The following EPHA6 variants were observed in gnomAD, a reference collection of about 807,000 sequenced individuals.
EPHA6 encodes the protein EPH receptor A6.
A neutral mutation model predicts 112.0 loss-of-function variants in EPHA6; 50 were observed. The observed-to-expected ratio is 0.45, with a 90% CI of 0.36 to 0.56. The LOEUF is 0.56. Ranked by LOEUF, EPHA6 falls within the 20% of genes least tolerant of loss-of-function variation. The probability of loss-of-function intolerance (pLI) is 0.00; values close to 1 mark genes in which losing one functional copy is unlikely to be tolerated. For missense variants in EPHA6, 1,280 were observed against 1,417.4 expected (o/e 0.90, Z 1.56); for synonymous variants, 529 against 490.7 (o/e 1.08, Z -1.03).
intron 1 of EPHA6, among the ~76,000 whole-genome samples, chr3:96,838,678 A>G (rs935334870): frequency 5.3e-5 from 8 of 152,102 alleles, no homozygotes; most frequent in Non-Finnish European, 1.0e-4. Context: ...ACTTCTTAGT[A>G]TTTCAATATT....
At chr3:97,295,618 T>A (rs1314923538) in intron 5 of EPHA6, among the ~76,000 whole-genome samples, 2 of 152,162 alleles carry the variant, frequency 1.3e-5, no homozygotes, top group African/African-American at 4.8e-5. Context: ...TTTCCTTTTT[T>A]TTAATGTTTC....
chr3:97,046,382 A>T (rs2108069999), intron 3 of EPHA6, among the ~76,000 whole-genome samples: 1 of 152,290 alleles, frequency 6.6e-6, no homozygotes, highest in African/African-American at 2.4e-5. Context: ...ACCCATGGTA[A>T]AAACTGTTGG....
At chr3:97,302,424 C>A (rs2081131504) in intron 5 of EPHA6, among the ~76,000 whole-genome samples, 1 of 150,468 alleles carries the variant, frequency 6.6e-6, no homozygotes, top group Non-Finnish European at 1.5e-5. Context: ...TTCCTAAAGC[C>A]TGATGTCATT....
At chr3:97,669,754 A>T (rs1407996124) in intron 14 of EPHA6, among the ~76,000 whole-genome samples, 1 of 152,236 alleles carries the variant, frequency 6.6e-6, no homozygotes, top group African/African-American at 2.4e-5. Context: ...CCTATTAAAC[A>T]TAAATTGTTC....
chr3:97,451,506 T>C (rs1394228811), intron 7 of EPHA6, among the ~76,000 whole-genome samples: 1 of 151,086 alleles, frequency 6.6e-6, no homozygotes, highest in Non-Finnish European at 1.5e-5. Context: ...CTGAAAATAA[T>C]ATATTTGTGT....
chr3:97,076,172 C>CA (rs1030319032), intron 3 of EPHA6, among the ~76,000 whole-genome samples: 14 of 151,832 alleles, frequency 9.2e-5, no homozygotes, highest in African/African-American at 3.1e-4. Flanking sequence ...TGTCAAAAGC[C>CA]AAAAAAGGCT....
At chr3:96,998,595 T>C (rs1011705840) in intron 3 of EPHA6, among the ~76,000 whole-genome samples, 2 of 152,056 alleles carry the variant, frequency 1.3e-5, no homozygotes, top group Admixed American at 1.3e-4. Context: ...TATGAGAATC[T>C]ATTATTGCTA....
intron 3 of EPHA6, among the ~76,000 whole-genome samples, chr3:97,047,006 A>C (rs974809561): frequency 6.6e-6 from 1 of 152,122 alleles, no homozygotes; most frequent in African/African-American, 2.4e-5. Context: ...GGAAATCCAT[A>C]TGTACCCTAT....
intron 3 of EPHA6, among the ~76,000 whole-genome samples, chr3:96,994,732 T>TATAGAGAGAGAGAGAGAGAG (rs1170197805): frequency 8.5e-5 from 7 of 82,186 alleles, no homozygotes; most frequent in Non-Finnish European, 1.3e-4. Context: ...TATATATATA[T>TATAGAGAGAGAGAGAGAGAG]AGAGAGAGAG....
In EPHA6 at chr3:97,404,225, T is replaced by G. The variant is rs149774504; in HGVS notation, c.1607-925T>G. On this transcript the variant is annotated intron_variant, in intron 5 of 17. Coordinates refer to ENST00000389672, the MANE Select transcript of EPHA6 (RefSeq NM_001080448.3). Reference sequence around the variant, plus strand: ...TAATTTTTGCCTTAAATCTTTAAGCTTCCCTTCATAAGAGTTGTATCATTT... The same window carrying G: ...TAATTTTTGCCTTAAATCTTTAAGCGTCCCTTCATAAGAGTTGTATCATTT... Among the ~76,000 whole-genome samples, 112 of 152,310 alleles carry G rather than the reference T, an allele frequency of 7.4e-4. 1 individual carries two copies. Among genetic ancestry groups the G allele is most frequent in the African/African-American group, 2.6e-3 (110 of 41,570 alleles).
At chr3:97,586,162 G>T (rs528695453) in intron 11 of EPHA6, among the ~76,000 whole-genome samples, 1 of 152,126 alleles carries the variant, frequency 6.6e-6, no homozygotes. Flanking sequence ...TTGAAACCCA[G>T]ATCTGTGCAT....
intron 2 of EPHA6, among the ~76,000 whole-genome samples, chr3:96,873,732 T>A (rs1269362666): frequency 1.3e-5 from 2 of 152,156 alleles, no homozygotes; most frequent in Non-Finnish European, 2.9e-5. Context: ...GTATGTATGT[T>A]GAGCAGTAGA....
intron 5 of EPHA6, among the ~76,000 whole-genome samples, chr3:97,293,343 T>A (rs1331092054): frequency 1.3e-5 from 2 of 152,094 alleles, no homozygotes; most frequent in East Asian, 3.9e-4. Flanking sequence ...GGTAGGTTGC[T>A]CCTTTTGGCA....
chr3:97,272,674 C>T (rs557826321), intron 5 of EPHA6, among the ~76,000 whole-genome samples: 1 of 151,614 alleles, frequency 6.6e-6, no homozygotes, highest in East Asian at 1.9e-4. Context: ...TCACAGGGTG[C>T]TCAGTGGGGG....
At chr3:97,175,695 A>T (rs901799735) in intron 3 of EPHA6, among the ~76,000 whole-genome samples, 1 of 151,586 alleles carries the variant, frequency 6.6e-6, no homozygotes, top group Non-Finnish European at 1.5e-5. Context: ...CACATTATTC[A>T]CTGTTGGCAG....
At chr3:96,945,415 A>G (rs915066050) in intron 2 of EPHA6, among the ~76,000 whole-genome samples, 2 of 152,208 alleles carry the variant, frequency 1.3e-5, no homozygotes, top group African/African-American at 4.8e-5. Context: ...GCTGACTCAT[A>G]CATGATCAAG....
chr3:97,197,663 C>G (rs887626822), intron 3 of EPHA6, among the ~76,000 whole-genome samples: 3 of 151,986 alleles, frequency 2.0e-5, no homozygotes, highest in African/African-American at 7.2e-5. Context: ...CAAATACTTT[C>G]TTGGCCACTC....
intron 16 of EPHA6, 78 bp from the exon 17 acceptor site, chr3:97,747,345 A>G: frequency 8.0e-7 from 1 of 1,242,930 alleles, no homozygotes. Flanking sequence ...TGTAAAAGTA[A>G]AAATAAAGTT....
chr3:97,623,151 T>G (rs910941039), intron 13 of EPHA6, among the ~76,000 whole-genome samples: 5 of 151,780 alleles, frequency 3.3e-5, no homozygotes, highest in Non-Finnish European at 7.4e-5. Context: ...CCTGTGGCTT[T>G]GGTATCATAT....
Sources: allele counts gnomAD v4.1 joint callset (sites outside exome capture counted in the v4.1 genomes callset), GRCh38; gene constraint gnomAD v4.1.1; transcripts MANE v1.5; gene names NCBI Gene and HGNC (gene_info 2026-07-23, HGNC 2026-07-21).